The following GRM8 variants were observed in gnomAD, a reference collection of about 807,000 sequenced individuals.
GRM8 encodes metabotropic glutamate receptor 8.
In GRM8, 47 loss-of-function variants were observed where a neutral mutation model predicts 87.2. The observed-to-expected ratio is 0.54, with a 90% CI of 0.43 to 0.69. The LOEUF (loss-of-function observed/expected upper bound fraction) is 0.69, where lower values mean the gene tolerates loss of function less well. Ranked by LOEUF, GRM8 falls within the 30% of genes least tolerant of loss-of-function variation. GRM8 has a pLI of 0.00. For missense variants in GRM8, 1,019 were observed against 1,139.2 expected (o/e 0.89, Z 1.52); for synonymous variants, 396 against 404.5 (o/e 0.98, Z 0.25).
chr7:127,167,769 T>A (rs750759305), intron 2 of GRM8, among the ~76,000 whole-genome samples: 2 of 152,152 alleles, frequency 1.3e-5, no homozygotes, highest in African/African-American at 2.4e-5. Flanking sequence ...AGACCTTTCC[T>A]TCCTATTCCC....
chr7:126,986,957 G>T (rs1812135210), intron 3 of GRM8, among the ~76,000 whole-genome samples: 1 of 151,998 alleles, frequency 6.6e-6, no homozygotes, highest in African/African-American at 2.4e-5. Flanking sequence ...TATGAGTTAG[G>T]TAATATCATC....
At chr7:127,098,146 C>T (rs1824861107) in intron 3 of GRM8, among the ~76,000 whole-genome samples, 1 of 152,170 alleles carries the variant, frequency 6.6e-6, no homozygotes, top group Non-Finnish European at 1.5e-5. Flanking sequence ...TGCCAATTAC[C>T]TGGTGTTAAT....
At chr7:126,708,769 G>A (rs921143587) in intron 7 of GRM8, among the ~76,000 whole-genome samples, 2 of 152,068 alleles carry the variant, frequency 1.3e-5, no homozygotes, top group Non-Finnish European at 2.9e-5. Flanking sequence ...ACTCATGGAG[G>A]TAGAGAGTAC....
chr7:126,670,895 GC>G (rs1036438630), intron 7 of GRM8, among the ~76,000 whole-genome samples: 2 of 152,164 alleles, frequency 1.3e-5, no homozygotes, highest in African/African-American at 4.8e-5. Flanking sequence ...AAAATTTGGA[GC>G]ATGTTTGTTT....
At chr7:126,822,702 T>G (rs1180708832) in intron 6 of GRM8, among the ~76,000 whole-genome samples, 1 of 152,082 alleles carries the variant, frequency 6.6e-6, no homozygotes. Flanking sequence ...TCAAAGTATC[T>G]GGAATTATAG....
chr7:127,214,759 G>C (rs781164526), intron 2 of GRM8, among the ~76,000 whole-genome samples: 1 of 152,268 alleles, frequency 6.6e-6, no homozygotes, highest in East Asian at 1.9e-4. Flanking sequence ...ATTACAATTC[G>C]AGATGAGATT....
At chr7:126,622,907 A>G (rs1263771659) in intron 7 of GRM8, among the ~76,000 whole-genome samples, 1 of 152,200 alleles carries the variant, frequency 6.6e-6, no homozygotes, top group African/African-American at 2.4e-5. Flanking sequence ...TCAAATTTAT[A>G]TGTCTAGCCC....
At chr7:126,826,377 A>C (rs1202711525) in intron 6 of GRM8, among the ~76,000 whole-genome samples, 1 of 152,086 alleles carries the variant, frequency 6.6e-6, no homozygotes, top group Non-Finnish European at 1.5e-5. Flanking sequence ...CCTCTCCAGC[A>C]CCTGTTGTTT....
chr7:126,908,272 G>T (rs1586415199), intron 3 of GRM8, among the ~76,000 whole-genome samples: 1 of 152,256 alleles, frequency 6.6e-6, no homozygotes, highest in East Asian at 1.9e-4. Context: ...AAAAAATCAG[G>T]TTTGGAGAAG....
intron 2 of GRM8, among the ~76,000 whole-genome samples, chr7:127,213,926 C>A (rs1796367576): frequency 6.6e-6 from 1 of 152,120 alleles, no homozygotes; most frequent in Non-Finnish European, 1.5e-5. Flanking sequence ...CAGGAAAAAA[C>A]GATAGCCCAA....
intron 8 of GRM8, among the ~76,000 whole-genome samples, chr7:126,588,974 G>A (rs959688447): frequency 6.6e-6 from 1 of 152,148 alleles, no homozygotes; most frequent in Non-Finnish European, 1.5e-5. Flanking sequence ...GGGCTCTCTC[G>A]GTCCCCAGGG....
intron 9 of GRM8, among the ~76,000 whole-genome samples, chr7:126,451,513 T>C (rs113980103): frequency 6.6e-6 from 1 of 151,618 alleles, no homozygotes; most frequent in Admixed American, 6.6e-5. Context: ...CTTGCTCTCT[T>C]CTGTTTGAGC....
intron 6 of GRM8, among the ~76,000 whole-genome samples, chr7:126,859,099 A>C (rs1382057091): frequency 6.6e-6 from 1 of 151,710 alleles, no homozygotes; most frequent in African/African-American, 2.4e-5. Flanking sequence ...CTCTCCCTAC[A>C]CATCCCCACA....
At chr7:126,481,414 G>A (rs972745246) in intron 9 of GRM8, among the ~76,000 whole-genome samples, 2 of 151,970 alleles carry the variant, frequency 1.3e-5, no homozygotes, top group African/African-American at 4.8e-5. Context: ...TCTGGAAAAA[G>A]CTACCTTAAG....
chr7:127,236,008 C>G (rs1212566651), intron 2 of GRM8, among the ~76,000 whole-genome samples: 1 of 150,954 alleles, frequency 6.6e-6, no homozygotes, highest in East Asian at 1.9e-4. Flanking sequence ...AGAATGTGTT[C>G]ATATATTTTG....
chr7:126,601,015 T>C (rs1310122218), intron 8 of GRM8, among the ~76,000 whole-genome samples: 3 of 151,880 alleles, frequency 2.0e-5, no homozygotes, highest in Admixed American at 1.3e-4. Flanking sequence ...TGTGCCATGC[T>C]GGTGCGCTGC....
intron 7 of GRM8, among the ~76,000 whole-genome samples, chr7:126,694,213 C>T (rs1809130220): frequency 1.3e-5 from 2 of 152,054 alleles, no homozygotes; most frequent in Non-Finnish European, 2.9e-5. Context: ...AAAAATTCCT[C>T]CCCCTCTACA....
intron 7 of GRM8, among the ~76,000 whole-genome samples, chr7:126,717,555 A>T (rs369695337): frequency 6.6e-6 from 1 of 152,230 alleles, no homozygotes; most frequent in African/African-American, 2.4e-5. Context: ...AAAGTAATAC[A>T]GGCCAATAAC....
chr7:126,539,119 TA>T (rs1259219594), intron 8 of GRM8, among the ~76,000 whole-genome samples: 1 of 151,944 alleles, frequency 6.6e-6, no homozygotes, highest in Non-Finnish European at 1.5e-5. Context: ...ATATAACCTT[TA>T]AAAGTGCGAA....
Sources: gnomAD v4.1 joint callset for allele counts (sites outside exome capture counted in the v4.1 genomes callset) on GRCh38, gnomAD v4.1.1 for gene constraint, MANE v1.5 for transcripts, NCBI Gene and HGNC (gene_info 2026-07-23, HGNC 2026-07-21) for gene names.